GRM8: variants seen among roughly 807,000 people sequenced by gnomAD.
The protein encoded by GRM8 is glutamate metabotropic receptor 8, also known as metabotropic glutamate receptor 8.
A neutral mutation model predicts 87.2 loss-of-function variants in GRM8; 47 were observed. The ratio of observed to expected loss-of-function variants is 0.54; its 90% CI spans 0.43 to 0.69. GRM8 has a LOEUF of 0.69. GRM8 is among the 30% of genes least tolerant of loss of function. GRM8 has a pLI of 0.00. For missense variants in GRM8, 1,019 were observed against 1,139.2 expected (o/e 0.89, Z 1.52); for synonymous variants, 396 against 404.5 (o/e 0.98, Z 0.25).
At chr7:127,146,730 C>A (rs1052038898) in intron 2 of GRM8, among the ~76,000 whole-genome samples, 1 of 151,932 alleles carries the variant, frequency 6.6e-6, no homozygotes, top group African/African-American at 2.4e-5. Flanking sequence ...CTACTAATCC[C>A]CTCCCCTTCA....
intron 7 of GRM8, among the ~76,000 whole-genome samples, chr7:126,658,982 G>C (rs1299685047): frequency 6.6e-6 from 1 of 152,080 alleles, no homozygotes; most frequent in African/African-American, 2.4e-5. Context: ...CAGATATAAA[G>C]ACAAAGGCCT....
intron 9 of GRM8, among the ~76,000 whole-genome samples, chr7:126,531,552 T>C (rs1280276099): frequency 1.5e-4 from 23 of 152,316 alleles, no homozygotes; most frequent in African/African-American, 7.2e-5. Flanking sequence ...GGCATATTCA[T>C]GTGTCCATTT....
intron 7 of GRM8, among the ~76,000 whole-genome samples, chr7:126,756,246 T>C (rs1816998200): frequency 6.6e-6 from 1 of 152,036 alleles, no homozygotes; most frequent in Non-Finnish European, 1.5e-5. Context: ...GACCTTATTC[T>C]CTTTAAACAA....
chr7:126,838,371 C>G (rs1030200747), intron 6 of GRM8, among the ~76,000 whole-genome samples: 6 of 152,156 alleles, frequency 3.9e-5, no homozygotes, highest in Non-Finnish European at 7.3e-5. Context: ...TTTTGTTTCT[C>G]TGCTCTGCTT....
rs145316676 is a variant in GRM8, at chr7:126,497,857, C to A, written c.2430+35095G>T. 1.2e-4 allele frequency among the ~76,000 whole-genome samples: 19 copies of A among 152,002 alleles called. 1 individual carries two copies. The East Asian group carries it at 1.9e-3, about 16-fold the overall frequency. On this transcript the variant is annotated intron_variant, in intron 9 of 10. Transcript: ENST00000339582. Reference sequence around the variant, plus strand: ...GAGGGAGAAATGGGCATCAGTAGATCAGCCATGAAAGACAAGCATTAAAGG... The same window carrying A: ...GAGGGAGAAATGGGCATCAGTAGATAAGCCATGAAAGACAAGCATTAAAGG...
intron 8 of GRM8, among the ~76,000 whole-genome samples, chr7:126,536,484 T>C (rs1199080449): frequency 6.6e-6 from 1 of 152,208 alleles, no homozygotes; most frequent in African/African-American, 2.4e-5. Context: ...TTGAGACTAT[T>C]AGATCTATCC....
At chr7:127,122,712 CAAAT>C (rs1237676392) in intron 2 of GRM8, among the ~76,000 whole-genome samples, 1 of 151,310 alleles carries the variant, frequency 6.6e-6, no homozygotes, top group East Asian at 1.9e-4. Context: ...CTTTTGTAAA[CAAAT>C]AAATAGAAAG....
chr7:127,196,224 G>T (rs2116519655), intron 2 of GRM8, among the ~76,000 whole-genome samples: 1 of 152,140 alleles, frequency 6.6e-6, no homozygotes, highest in Non-Finnish European at 1.5e-5. Context: ...TATATAACAA[G>T]AACACATGCC....
At chr7:126,591,786 GAAAT>G (rs1219349074) in intron 8 of GRM8, among the ~76,000 whole-genome samples, 5 of 151,080 alleles carry the variant, frequency 3.3e-5, no homozygotes, top group African/African-American at 1.2e-4. Flanking sequence ...GATCATCACA[GAAAT>G]AAATAAAATA....
intron 7 of GRM8, among the ~76,000 whole-genome samples, chr7:126,655,177 A>G (rs571647259): frequency 6.6e-6 from 1 of 152,342 alleles, no homozygotes; most frequent in East Asian, 1.9e-4. Flanking sequence ...GACAATAATA[A>G]TATCCTTAGC....
chr7:127,107,969 C>G (rs1825974532), intron 2 of GRM8, among the ~76,000 whole-genome samples: 1 of 152,168 alleles, frequency 6.6e-6, no homozygotes. Context: ...AACTTGGATC[C>G]ACCTGCATTG....
At chr7:127,223,927 A>AAC (rs1563591351) in intron 2 of GRM8, among the ~76,000 whole-genome samples, 1 of 151,882 alleles carries the variant, frequency 6.6e-6, no homozygotes, top group Non-Finnish European at 1.5e-5. Context: ...AAAAAAAAAA[A>AAC]AAAACTCAAT....
chr7:126,464,919 G>C (rs1165733632), intron 9 of GRM8, among the ~76,000 whole-genome samples: 1 of 151,554 alleles, frequency 6.6e-6, no homozygotes, highest in Non-Finnish European at 1.5e-5. Flanking sequence ...ACTCAAGATG[G>C]GTAGTTTACA....
intron 6 of GRM8, among the ~76,000 whole-genome samples, chr7:126,802,397 TA>T (rs1469720724): frequency 6.6e-6 from 1 of 152,204 alleles, no homozygotes; most frequent in Non-Finnish European, 1.5e-5. Context: ...CTCAACTTTT[TA>T]AGATTCCACA....
intron 9 of GRM8, among the ~76,000 whole-genome samples, chr7:126,451,751 A>G (rs1304290670): frequency 6.6e-6 from 1 of 151,540 alleles, no homozygotes; most frequent in Non-Finnish European, 1.5e-5. Flanking sequence ...GCATGCTTCT[A>G]CTTCCAGACT....
chr7:126,554,547 C>T (rs916810665), intron 8 of GRM8, among the ~76,000 whole-genome samples: 5 of 151,918 alleles, frequency 3.3e-5, no homozygotes, highest in African/African-American at 7.2e-5. Context: ...GAGTTATGAT[C>T]GTGCCACTGC....
intron 3 of GRM8, among the ~76,000 whole-genome samples, chr7:127,022,579 G>T (rs928057498): frequency 1.3e-5 from 2 of 151,804 alleles, no homozygotes; most frequent in East Asian, 1.9e-4. Flanking sequence ...CAGGCCAAAA[G>T]GTATGTAAGA....
rs370328478 is a variant in GRM8, at chr7:126,609,374, C to T, written c.1482G>A (p.Gln494=). 2 of 1,612,926 alleles carry T rather than the reference C, an allele frequency of 1.2e-6. No homozygotes were observed. Among genetic ancestry groups the T allele is most frequent in the South Asian group, 1.1e-5 (1 of 90,890 alleles). ...EYKVIGHWTN[Q]LHLKVEDMQW... ...TGACGATACTTGCTTTTAGATGAAG[C>T]TGATTGGTCCAGTGGCCGATGACTT... The change falls in exon 8 of 11, where the codon CAG becomes CAA. Residue 494 remains glutamine (Q), a synonymous_variant. Coordinates refer to ENST00000339582, the MANE Select transcript of GRM8 (RefSeq NM_000845.3).
At chr7:127,232,572 A>G (rs1014356820) in intron 2 of GRM8, among the ~76,000 whole-genome samples, 46 of 152,104 alleles carry the variant, frequency 3.0e-4, no homozygotes, top group African/African-American at 2.4e-5. Flanking sequence ...TTCTTGACCA[A>G]TGACTATACC....
Sources: gnomAD v4.1 joint callset for allele counts (sites outside exome capture counted in the v4.1 genomes callset) on GRCh38, gnomAD v4.1.1 for gene constraint, MANE v1.5 for transcripts, NCBI Gene and HGNC (gene_info 2026-07-23, HGNC 2026-07-21) for gene names.